The following NOS1AP variants were observed in gnomAD, a reference collection of about 807,000 sequenced individuals.
NOS1AP encodes the protein nitric oxide synthase 1 adaptor protein.
In NOS1AP, 21 loss-of-function variants were observed where a neutral mutation model predicts 56.2. The observed-to-expected ratio is 0.37, with a 90% CI of 0.26 to 0.54. The LOEUF is 0.54. Ranked by LOEUF, NOS1AP falls within the 20% of genes least tolerant of loss-of-function variation. NOS1AP has a pLI of 0.84. For missense variants in NOS1AP, 522 were observed against 657.8 expected (o/e 0.79, Z 2.26); for synonymous variants, 270 against 274.6 (o/e 0.98, Z 0.17).
intron 1 of NOS1AP, among the ~76,000 whole-genome samples, chr1:162,138,226 G>A (rs539533089): frequency 6.6e-6 from 1 of 152,192 alleles, no homozygotes; most frequent in Non-Finnish European, 1.5e-5. Context: ...AGCATAGCCT[G>A]GTGGTCCTTG....
chr1:162,206,436 T>C (rs1652166673), intron 2 of NOS1AP, among the ~76,000 whole-genome samples: 1 of 152,194 alleles, frequency 6.6e-6, no homozygotes, highest in Non-Finnish European at 1.5e-5. Flanking sequence ...AATAAAGTTT[T>C]ATTTGACACA....
At chr1:162,366,578 T>C (rs955836152) in intron 9 of NOS1AP, among the ~76,000 whole-genome samples, 2 of 152,146 alleles carry the variant, frequency 1.3e-5, no homozygotes, top group African/African-American at 4.8e-5. Context: ...TCTGGGAGCC[T>C]GTATTTTTAA....
intron 1 of NOS1AP, among the ~76,000 whole-genome samples, chr1:162,108,145 C>T (rs536885606): frequency 2.0e-5 from 3 of 152,254 alleles, no homozygotes; most frequent in South Asian, 2.1e-4. Context: ...CCATTTCCTA[C>T]AAAAAATAAC....
intron 2 of NOS1AP, among the ~76,000 whole-genome samples, chr1:162,274,038 C>T (rs2101722117): frequency 6.6e-6 from 1 of 152,186 alleles, no homozygotes; most frequent in East Asian, 1.9e-4. Context: ...ATGTACAGGT[C>T]TTTGTGGGAA....
chr1:162,105,711 G>C (rs920838123), intron 1 of NOS1AP, among the ~76,000 whole-genome samples: 7 of 152,164 alleles, frequency 4.6e-5, no homozygotes, highest in Non-Finnish European at 8.8e-5. Context: ...CTGTGCTATG[G>C]GGGAACCCTC....
At chr1:162,330,779 T>G (rs1434761572) in intron 4 of NOS1AP, among the ~76,000 whole-genome samples, 1 of 152,194 alleles carries the variant, frequency 6.6e-6, no homozygotes, top group East Asian at 1.9e-4. Flanking sequence ...CAGGATGTTG[T>G]AAAAATCCAG....
At chr1:162,322,675 C>T (rs1012633193) in intron 4 of NOS1AP, among the ~76,000 whole-genome samples, 5 of 152,130 alleles carry the variant, frequency 3.3e-5, no homozygotes, top group Non-Finnish European at 5.9e-5. Context: ...AAATCCAGCA[C>T]CTCTTACCCA....
intron 2 of NOS1AP, among the ~76,000 whole-genome samples, chr1:162,264,469 C>CCCTCCCCTCCCCTCT (rs1654351143): frequency 3.1e-5 from 1 of 31,848 alleles, no homozygotes; most frequent in African/African-American, 2.9e-4. Context: ...TCTTCTCCTC[C>CCCTCCCCTCCCCTCT]CCTCCCCTCC....
chr1:162,333,899 GA>G (rs1296490078), intron 5 of NOS1AP, among the ~76,000 whole-genome samples: 3 of 152,142 alleles, frequency 2.0e-5, no homozygotes, highest in African/African-American at 7.2e-5. Context: ...TTTCACAATG[GA>G]ATCATATTTT....
At chr1:162,074,819 G>T (rs1691734788) in intron 1 of NOS1AP, among the ~76,000 whole-genome samples, 1 of 152,176 alleles carries the variant, frequency 6.6e-6, no homozygotes, top group African/African-American at 2.4e-5. Flanking sequence ...CTGTGCCTTG[G>T]TCGTCCTTCA....
intron 2 of NOS1AP, among the ~76,000 whole-genome samples, chr1:162,282,735 C>G (rs1654968994): frequency 6.6e-6 from 1 of 152,174 alleles, no homozygotes; most frequent in African/African-American, 2.4e-5. Flanking sequence ...TTTAAATTTC[C>G]TGTGATCATT....
intron 2 of NOS1AP, among the ~76,000 whole-genome samples, chr1:162,257,450 AC>A (rs1654066942): frequency 6.6e-6 from 1 of 152,044 alleles, no homozygotes; most frequent in African/African-American, 2.4e-5. Context: ...GGAGTTTGAG[AC>A]TAGCCTGGGC....
chr1:162,292,815 A>C (rs367908568), intron 3 of NOS1AP, among the ~76,000 whole-genome samples: 31 of 152,372 alleles, frequency 2.0e-4, no homozygotes, highest in African/African-American at 7.5e-4. Flanking sequence ...GATCGAATTA[A>C]GAAAAGGAGG....
intron 2 of NOS1AP, among the ~76,000 whole-genome samples, chr1:162,252,772 A>C (rs1056301217): frequency 2.0e-5 from 3 of 152,242 alleles, no homozygotes; most frequent in African/African-American, 7.2e-5. Context: ...CCACTAGCTA[A>C]GTGTGGCAAT....
At chr1:162,304,304 AC>A (rs1363906380) in intron 4 of NOS1AP, among the ~76,000 whole-genome samples, 1 of 152,010 alleles carries the variant, frequency 6.6e-6, no homozygotes, top group East Asian at 1.9e-4. Context: ...CCTTTGCTAA[AC>A]ATCAGTTATC....
chr1:162,294,518 C>A (rs917143683), intron 3 of NOS1AP, among the ~76,000 whole-genome samples: 1 of 152,160 alleles, frequency 6.6e-6, no homozygotes, highest in Non-Finnish European at 1.5e-5. Context: ...ATGATCACAC[C>A]TTTCTTTCTC....
At chr1:162,237,935 G>A (rs1231621876) in intron 2 of NOS1AP, among the ~76,000 whole-genome samples, 2 of 152,176 alleles carry the variant, frequency 1.3e-5, no homozygotes, top group Non-Finnish European at 2.9e-5. Flanking sequence ...GGTGAAATGA[G>A]AGGAGTGTGA....
intron 2 of NOS1AP, among the ~76,000 whole-genome samples, chr1:162,237,873 G>GAGATTTCAA: frequency 6.6e-6 from 1 of 152,084 alleles, no homozygotes; most frequent in Non-Finnish European, 1.5e-5. Flanking sequence ...GTCATTTTCA[G>GAGATTTCAA]AGAGCATGGG....
intron 6 of NOS1AP, among the ~76,000 whole-genome samples, chr1:162,347,551 G>T (rs1657343155): frequency 6.6e-6 from 1 of 152,146 alleles, no homozygotes; most frequent in Non-Finnish European, 1.5e-5. Flanking sequence ...ATATGGTCTG[G>T]CCAGGTGGAG....
Sources: gnomAD v4.1 joint callset for allele counts (sites outside exome capture counted in the v4.1 genomes callset) on GRCh38, gnomAD v4.1.1 for gene constraint, MANE v1.5 for transcripts, NCBI Gene and HGNC (gene_info 2026-07-23, HGNC 2026-07-21) for gene names.